Variants in ST3GAL6 observed in about 807,000 individuals in gnomAD.
ST3GAL6 encodes the protein type 2 lactosamine alpha-2,3-sialyltransferase.
ST3GAL6 carries 31 observed loss-of-function variants against 40.5 expected under a neutral mutation model. That is an observed-to-expected ratio of 0.77 (90% CI 0.58 to 1.03). The LOEUF (loss-of-function observed/expected upper bound fraction) is 1.03. Ranked by LOEUF, ST3GAL6 falls within the 50% of genes least tolerant of loss-of-function variation. ST3GAL6 has a pLI of 0.00. For missense variants in ST3GAL6, 357 were observed against 393.2 expected, an observed-to-expected ratio of 0.91 and a Z score of 0.78; for synonymous variants, 129 against 136.9, an observed-to-expected ratio of 0.94 and a Z score of 0.40.
intron 1 of ST3GAL6, among the ~76,000 whole-genome samples, chr3:98,733,936 C>T (rs767166266): frequency 2.6e-5 from 4 of 152,044 alleles, no homozygotes; most frequent in Non-Finnish European, 4.4e-5. Context: ...GAAATCACAC[C>T]GAGTCTAAAG....
chr3:98,741,086 A>ATGTGTG (rs1936048933), intron 1 of ST3GAL6, among the ~76,000 whole-genome samples: 4 of 83,092 alleles, frequency 4.8e-5, no homozygotes, highest in Non-Finnish European at 9.6e-5. Flanking sequence ...GTGTGTGTGC[A>ATGTGTG]TGCATGTATG....
At chr3:98,788,538 GA>G in intron 8 of ST3GAL6, 75 bp downstream of exon 8, 2 of 1,369,624 alleles carry the variant, frequency 1.5e-6, no homozygotes, top group Non-Finnish European at 2.0e-6. Context: ...GGAACTCTCA[GA>G]AACTGTATGA....
At chr3:98,762,893 C>G, upstream of ST3GAL6, 1 of 985,348 alleles carries the variant, frequency 1.0e-6, no homozygotes, top group Non-Finnish European at 1.2e-6. Context: ...ACTGTGCTGG[C>G]CATTTAGTAA....
In ST3GAL6 at chr3:98,756,367, A is replaced by C. The variant is rs778963940; in HGVS notation, c.-11-12063A>C. On this transcript the variant is annotated intron_variant, in intron 1 of 9. Coordinates refer to the ST3GAL6 transcript ENST00000265261. ...ACATACTATCTTTATGTTTTATTTCAGCATTTGCAAGTGAGGAAGCAGCAC... is the reference window on the plus strand; with the variant it reads ...ACATACTATCTTTATGTTTTATTTCCGCATTTGCAAGTGAGGAAGCAGCAC... 3 of 1,289,744 alleles carry C rather than the reference A, an allele frequency of 2.3e-6. No homozygotes were observed. The South Asian group carries it at 3.7e-5, about 16-fold the overall frequency. 79.9% of individuals were successfully genotyped at this position (1,289,744 alleles called of 1,614,324 possible).
In ST3GAL6 at chr3:98,785,570, C is replaced by T. The variant is rs116958999; in HGVS notation, c.431+530C>T. 2.6e-3 allele frequency among the ~76,000 whole-genome samples: 401 copies of T among 152,158 alleles called. 9 individuals carry two copies. In the East Asian group the frequency reaches 0.05, roughly 19 times the overall value. On this transcript the variant is annotated intron_variant, in intron 6 of 9. Coordinates refer to ENST00000483910, the MANE Select transcript of ST3GAL6 (RefSeq NM_001323368.2). ...AGTTTGAGAGGAGTAGCAAAGAAAC[C>T]CAGTGAAGCTGGAAAGTAGCAGGCA...
chr3:98,777,113 C>T (rs1366959514), intron 5 of ST3GAL6, among the ~76,000 whole-genome samples: 2 of 152,194 alleles, frequency 1.3e-5, no homozygotes, highest in Non-Finnish European at 2.9e-5. Flanking sequence ...TGGAGTTCCA[C>T]CGATCACGCC....
chr3:98,741,051 AGTGTGTGTGTGT>A (rs35649214), intron 1 of ST3GAL6, among the ~76,000 whole-genome samples: 8 of 145,222 alleles, frequency 5.5e-5, no homozygotes, highest in Admixed American at 3.4e-4. Context: ...AGAGGGATTC[AGTGTGTGTGTGT>A]GTGTGTGTGT....
intron 1 of ST3GAL6, among the ~76,000 whole-genome samples, chr3:98,738,064 A>C (rs1935709664): frequency 6.6e-6 from 1 of 151,228 alleles, no homozygotes. Flanking sequence ...TTCTTACAAG[A>C]TCTGGTTGTT....
chr3:98,785,154 T>G (rs563045532), intron 6 of ST3GAL6, 114 bp downstream of exon 6: 2 of 675,850 alleles, frequency 3.0e-6, no homozygotes, highest in South Asian at 3.9e-5. Flanking sequence ...GGTTTTTTTT[T>G]TATTGCACAA....
chr3:98,732,275 C>T (rs902743262), exon 1 of ST3GAL6: 2 of 152,480 alleles, frequency 1.3e-5, no homozygotes, highest in Admixed American at 6.5e-5. Context: ...CAGTCCGCGG[C>T]GCCACAAGCC....
At chr3:98,763,629 G>C (rs1222171678) in intron 1 of ST3GAL6, among the ~76,000 whole-genome samples, 190 bp downstream of exon 1, 1 of 151,654 alleles carries the variant, frequency 6.6e-6, no homozygotes, top group Non-Finnish European at 1.5e-5. Flanking sequence ...TTTGAGAAGA[G>C]ACCTAGTAGT....
At chr3:98,737,197 C>T (rs1421909018) in intron 1 of ST3GAL6, among the ~76,000 whole-genome samples, 1 of 152,062 alleles carries the variant, frequency 6.6e-6, no homozygotes, top group Non-Finnish European at 1.5e-5. Context: ...TACAGGCATG[C>T]ACCACCACAC....
intron 5 of ST3GAL6, among the ~76,000 whole-genome samples, chr3:98,775,625 A>G (rs1201076443): frequency 1.3e-5 from 2 of 152,172 alleles, no homozygotes; most frequent in Admixed American, 1.3e-4. Flanking sequence ...TTATCTAAGA[A>G]CTAGACTGTG....
intron 1 of ST3GAL6, chr3:98,732,757 C>G: frequency 8.5e-7 from 1 of 1,175,068 alleles, no homozygotes; most frequent in Non-Finnish European, 1.1e-6. Flanking sequence ...GGGCTGCTCC[C>G]TCCTCTGCTC....
intron 3 of ST3GAL6, among the ~76,000 whole-genome samples, chr3:98,771,394 G>T (rs1279070338): frequency 2.0e-5 from 3 of 152,080 alleles, no homozygotes; most frequent in African/African-American, 4.8e-5. Flanking sequence ...TGCAAATAAT[G>T]ATTAATCTAC....
intron 5 of ST3GAL6, chr3:98,782,629 C>A: frequency 2.8e-6 from 1 of 351,280 alleles, no homozygotes. Context: ...ACCCAGCTGG[C>A]CTCTCTTCTG....
chr3:98,780,179 A>G (rs1939958197), intron 5 of ST3GAL6, among the ~76,000 whole-genome samples: 1 of 152,340 alleles, frequency 6.6e-6, no homozygotes, highest in South Asian at 2.1e-4. Flanking sequence ...GGAAGCAATG[A>G]GTAACGAGGA....
At chr3:98,736,962 G>A (rs1214678168) in intron 1 of ST3GAL6, among the ~76,000 whole-genome samples, 2 of 152,180 alleles carry the variant, frequency 1.3e-5, no homozygotes, top group Non-Finnish European at 2.9e-5. Flanking sequence ...AGTTTGAATC[G>A]TATTCTAGTT....
intron 5 of ST3GAL6, among the ~76,000 whole-genome samples, chr3:98,776,881 G>A (rs1027280418): frequency 1.3e-5 from 2 of 152,170 alleles, no homozygotes; most frequent in East Asian, 3.9e-4. Flanking sequence ...CATGTATGAT[G>A]CCCTCAGTTG....
Sources: gnomAD v4.1 joint callset for allele counts (sites outside exome capture counted in the v4.1 genomes callset) on GRCh38, gnomAD v4.1.1 for gene constraint, MANE v1.5 for transcripts, NCBI Gene and HGNC (gene_info 2026-07-23, HGNC 2026-07-21) for gene names.